Variants in IMMP2L observed in about 807,000 individuals in gnomAD.
IMMP2L encodes inner mitochondrial membrane peptidase subunit 2.
A neutral mutation model predicts 19.3 loss-of-function variants in IMMP2L; 18 were observed. That is an observed-to-expected ratio of 0.93 (90% CI 0.64 to 1.38). IMMP2L has a LOEUF of 1.38. Ranked by LOEUF, IMMP2L falls within the 40% of genes most tolerant of loss-of-function variation. The pLI, the probability that IMMP2L is intolerant of heterozygous loss-of-function variation, is 0.00. For synonymous variants in IMMP2L, 76 were observed against 73.0 expected (o/e 1.04, Z -0.21); for missense variants, 233 against 218.2 (o/e 1.07, Z -0.43).
chr7:111,493,989 A>G (rs1563265159), intron 2 of IMMP2L, among the ~76,000 whole-genome samples: 1 of 152,116 alleles, frequency 6.6e-6, no homozygotes, highest in Admixed American at 6.5e-5. Context: ...CGACAGAGCA[A>G]GACTCCGTCT....
At chr7:111,011,515 A>T (rs999330911) in intron 3 of IMMP2L, among the ~76,000 whole-genome samples, 28 of 152,166 alleles carry the variant, frequency 1.8e-4, no homozygotes, top group African/African-American at 6.5e-4. Flanking sequence ...TTACTCTGAA[A>T]TGAAGTCTAA....
chr7:111,535,850 G>T (rs1337160402), intron 1 of IMMP2L, among the ~76,000 whole-genome samples: 6 of 152,034 alleles, frequency 3.9e-5, no homozygotes, highest in African/African-American at 1.5e-4. Context: ...AAACCATATA[G>T]AAGTAGCAAT....
At chr7:111,162,632 G>C (rs1009287199) in intron 3 of IMMP2L, among the ~76,000 whole-genome samples, 1 of 151,152 alleles carries the variant, frequency 6.6e-6, no homozygotes, top group East Asian at 1.9e-4. Context: ...GATTTTGAGC[G>C]AGTAGTTTTT....
chr7:111,344,552 T>G lies in IMMP2L; in HGVS notation c.239+142686A>C, dbSNP rs1584727461. On this transcript the variant is annotated intron_variant, in intron 3 of 5. Transcript: ENST00000405709. ...CATGTCTGGCATACAGTAGAAAGAC[T>G]AAAAATGATTTAGGAAGGAAGCAAA... Among the ~76,000 whole-genome samples the G allele has an allele frequency of 2.0e-5, 3 of 152,196 alleles. No individual in the cohort carries two copies. In the South Asian group the frequency reaches 6.2e-4, roughly 31 times the overall value.
At chr7:111,481,522 T>C (rs1842185147) in intron 3 of IMMP2L, among the ~76,000 whole-genome samples, 2 of 151,972 alleles carry the variant, frequency 1.3e-5, no homozygotes, top group African/African-American at 2.4e-5. Flanking sequence ...AAGAATCAAA[T>C]AAAAGTGAAG....
chr7:111,069,023 G>C (rs969768079), intron 3 of IMMP2L, among the ~76,000 whole-genome samples: 1 of 152,170 alleles, frequency 6.6e-6, no homozygotes, highest in African/African-American at 2.4e-5. Context: ...ATAACTTCTG[G>C]TAATGTAGAA....
chr7:111,560,697 C>G (rs1316145765), intron 1 of IMMP2L, among the ~76,000 whole-genome samples: 1 of 152,200 alleles, frequency 6.6e-6, no homozygotes, highest in Non-Finnish European at 1.5e-5. Context: ...TACCCCAAAA[C>G]AGCCATCTCC....
At chr7:110,736,624 C>A (rs1170197605) in intron 5 of IMMP2L, among the ~76,000 whole-genome samples, 1 of 133,800 alleles carries the variant, frequency 7.5e-6, no homozygotes, top group Non-Finnish European at 1.7e-5. Context: ...ATTCTCAAGC[C>A]TCAAGATTTA....
chr7:110,850,975 G>C (rs2131526528), intron 5 of IMMP2L, among the ~76,000 whole-genome samples: 1 of 152,084 alleles, frequency 6.6e-6, no homozygotes, highest in South Asian at 2.1e-4. Context: ...TAATAACCAT[G>C]TAAAAATTTG....
At chr7:111,016,747 T>C (rs1289944352) in intron 3 of IMMP2L, among the ~76,000 whole-genome samples, 1 of 97,530 alleles carries the variant, frequency 1.0e-5, no homozygotes, top group Non-Finnish European at 1.8e-5. Flanking sequence ...ATATTATATA[T>C]ATTATATAAA....
chr7:111,428,916 A>G (rs1836354419), intron 3 of IMMP2L, among the ~76,000 whole-genome samples: 1 of 151,926 alleles, frequency 6.6e-6, no homozygotes, highest in African/African-American at 2.4e-5. Context: ...ATTCAATTTT[A>G]AAAGTGTAAA....
chr7:111,402,722 C>CA, intron 3 of IMMP2L, among the ~76,000 whole-genome samples: 1 of 151,406 alleles, frequency 6.6e-6, no homozygotes, highest in African/African-American at 2.4e-5. Context: ...CAAAACAAAA[C>CA]AAAAAAAGCT....
At chr7:110,874,021 C>A (rs1808809182) in intron 5 of IMMP2L, among the ~76,000 whole-genome samples, 1 of 152,104 alleles carries the variant, frequency 6.6e-6, no homozygotes, top group African/African-American at 2.4e-5. Flanking sequence ...TCTAAGCCTA[C>A]TTCACTTTCA....
At chr7:111,141,532 A>G (rs1263830266) in intron 3 of IMMP2L, among the ~76,000 whole-genome samples, 2 of 152,160 alleles carry the variant, frequency 1.3e-5, no homozygotes, top group East Asian at 1.9e-4. Context: ...TCTACCTACA[A>G]TAATTTATTC....
intron 2 of IMMP2L, among the ~76,000 whole-genome samples, chr7:111,514,064 A>G (rs1845673371): frequency 1.3e-5 from 2 of 152,108 alleles, no homozygotes; most frequent in African/African-American, 4.8e-5. Flanking sequence ...TGGTCACAGT[A>G]TACAAAGTTT....
At chr7:111,435,273 A>T (rs1020753398) in intron 3 of IMMP2L, among the ~76,000 whole-genome samples, 3 of 151,910 alleles carry the variant, frequency 2.0e-5, no homozygotes, top group Non-Finnish European at 4.4e-5. Context: ...AAAGGTATGG[A>T]ATCAACCTAA....
chr7:111,206,475 G>A (rs1586826290), intron 3 of IMMP2L, among the ~76,000 whole-genome samples: 2 of 151,820 alleles, frequency 1.3e-5, no homozygotes, highest in African/African-American at 2.4e-5. Flanking sequence ...CCGAGTAAGT[G>A]ACTGTGCTCT....
rs115644834 is a variant in IMMP2L at position 110,945,235 on chromosome 7, T to C, written c.305+18265A>G. On this transcript the variant is annotated intron_variant, in intron 4 of 5. Coordinates refer to ENST00000405709, the MANE Select transcript of IMMP2L (RefSeq NM_032549.4). ...CCTGTTTATGGAAGGCATAATGAGATTAACATTTTTTAAAAAGCAGGAATG... is the reference window on the plus strand; with the variant it reads ...CCTGTTTATGGAAGGCATAATGAGACTAACATTTTTTAAAAAGCAGGAATG... Among the ~76,000 whole-genome samples, 578 of 152,028 alleles carry C rather than the reference T, an allele frequency of 3.8e-3. 5 individuals are homozygous for C. The highest frequency in any genetic ancestry group is 0.014 in the African/African-American group (561 of 41,536).
chr7:111,195,548 T>G (rs2129614028), intron 3 of IMMP2L, among the ~76,000 whole-genome samples: 1 of 152,248 alleles, frequency 6.6e-6, no homozygotes, highest in East Asian at 1.9e-4. Context: ...GTGTAGAAAC[T>G]TTATTATAAA....
Sources: gnomAD v4.1 joint callset for allele counts (sites outside exome capture counted in the v4.1 genomes callset) on GRCh38, gnomAD v4.1.1 for gene constraint, MANE v1.5 for transcripts, NCBI Gene and HGNC (gene_info 2026-07-23, HGNC 2026-07-21) for gene names.